Variants in SMYD3 observed in about 807,000 individuals in gnomAD.
SMYD3 encodes histone-lysine N-methyltransferase SMYD3.
In SMYD3, 36 loss-of-function variants were observed where a neutral mutation model predicts 57.7. The ratio of observed to expected loss-of-function variants is 0.62; its 90% CI spans 0.48 to 0.82. SMYD3 has a LOEUF of 0.82. Ranked by LOEUF, SMYD3 falls within the 40% of genes least tolerant of loss-of-function variation. The pLI is 0.00. For missense variants in SMYD3, 515 were observed against 538.8 expected (o/e 0.96, Z 0.44); for synonymous variants, 211 against 195.0 (o/e 1.08, Z -0.68).
intron 5 of SMYD3, among the ~76,000 whole-genome samples, chr1:246,074,120 C>G (rs1232965736): frequency 6.6e-6 from 1 of 152,076 alleles, no homozygotes; most frequent in Non-Finnish European, 1.5e-5. Context: ...TTATGTATGG[C>G]TCAAGACAAT....
chr1:246,382,504 C>T (rs1319784835), intron 1 of SMYD3, among the ~76,000 whole-genome samples: 4 of 152,074 alleles, frequency 2.6e-5, no homozygotes, highest in Non-Finnish European at 5.9e-5. Context: ...ACCCAGGCTC[C>T]AGACCAAGCC....
intron 5 of SMYD3, among the ~76,000 whole-genome samples, chr1:246,298,149 C>T (rs2064828646): frequency 6.6e-6 from 1 of 151,816 alleles, no homozygotes; most frequent in Non-Finnish European, 1.5e-5. Flanking sequence ...GACAGTGCCA[C>T]TTGTCAACAG....
At chr1:246,110,984 G>T (rs2147981452) in intron 5 of SMYD3, among the ~76,000 whole-genome samples, 1 of 152,138 alleles carries the variant, frequency 6.6e-6, no homozygotes, top group East Asian at 1.9e-4. Context: ...TCCTTTCATT[G>T]TCCATAAGAT....
At chr1:246,281,929 T>A (rs560327932) in intron 5 of SMYD3, among the ~76,000 whole-genome samples, 1 of 152,130 alleles carries the variant, frequency 6.6e-6, no homozygotes, top group East Asian at 1.9e-4. Flanking sequence ...GACACACTGG[T>A]GCTGGGCTAT....
intron 10 of SMYD3, among the ~76,000 whole-genome samples, chr1:245,824,855 TCAAAAAAAAAAAAA>T (rs2049386031): frequency 2.4e-5 from 1 of 41,166 alleles, no homozygotes; most frequent in Non-Finnish European, 7.4e-5. Context: ...AAACTCCGTC[TCAAAAAAAAAAAAA>T]CAAAAAAAAA....
At chr1:246,114,837 G>A (rs1299646201) in intron 5 of SMYD3, among the ~76,000 whole-genome samples, 1 of 152,142 alleles carries the variant, frequency 6.6e-6, no homozygotes, top group African/African-American at 2.4e-5. Flanking sequence ...TCACCATGTT[G>A]GCCAGGCTGG....
chr1:246,010,264 TCACAG>T (rs1258388594), intron 5 of SMYD3, among the ~76,000 whole-genome samples: 1 of 152,030 alleles, frequency 6.6e-6, no homozygotes, highest in Non-Finnish European at 1.5e-5. Context: ...AACAATTCAA[TCACAG>T]CAGGATAAAA....
chr1:246,208,801 T>C (rs1191042979), intron 5 of SMYD3, among the ~76,000 whole-genome samples: 1 of 152,124 alleles, frequency 6.6e-6, no homozygotes, highest in Non-Finnish European at 1.5e-5. Context: ...TTTGGGCTCA[T>C]GATCATTCAA....
At chr1:246,311,618 A>T (rs1329618942) in intron 5 of SMYD3, among the ~76,000 whole-genome samples, 4 of 140,118 alleles carry the variant, frequency 2.9e-5, no homozygotes, top group Admixed American at 1.4e-4. Context: ...TTGAACACTC[A>T]CACGCACACG....
intron 1 of SMYD3, among the ~76,000 whole-genome samples, chr1:246,421,646 T>G (rs1038233373): frequency 1.3e-5 from 2 of 151,996 alleles, no homozygotes; most frequent in African/African-American, 4.8e-5. Flanking sequence ...TCAGAGGTAT[T>G]TGAAAATAAT....
At chr1:245,999,162 C>CA (rs1318631474) in intron 5 of SMYD3, among the ~76,000 whole-genome samples, 12 of 150,828 alleles carry the variant, frequency 8.0e-5, no homozygotes, top group African/African-American at 2.0e-4. Flanking sequence ...ATTTTACCAC[C>CA]AAAAAAAACC....
chr1:246,145,064 G>A lies in SMYD3; in HGVS notation c.531+182137C>T, dbSNP rs539589557. 1.6e-4 allele frequency among the ~76,000 whole-genome samples: 25 copies of A among 152,264 alleles called. No homozygotes were observed. In the South Asian group the frequency reaches 4.6e-3, roughly 28 times the overall value. On this transcript the variant is annotated intron_variant, in intron 5 of 11. Coordinates refer to ENST00000490107, the MANE Select transcript of SMYD3 (RefSeq NM_001167740.2). Reference sequence around the variant, plus strand: ...AGGTCTCACTGTGTTGCTCAGGCTGGAGTACAGTGGCTATTCACACACTCA... The same window carrying A: ...AGGTCTCACTGTGTTGCTCAGGCTGAAGTACAGTGGCTATTCACACACTCA...
chr1:246,031,976 C>T (rs1429983474), intron 5 of SMYD3, among the ~76,000 whole-genome samples: 1 of 152,144 alleles, frequency 6.6e-6, no homozygotes, highest in Non-Finnish European at 1.5e-5. Context: ...ATTACAGAGA[C>T]TCTAAAGTTA....
chr1:245,937,214 G>A (rs1222761479), intron 5 of SMYD3, among the ~76,000 whole-genome samples: 1 of 152,064 alleles, frequency 6.6e-6, no homozygotes, highest in Non-Finnish European at 1.5e-5. Flanking sequence ...ACTTGTCAAG[G>A]CTAAAATCAA....
intron 5 of SMYD3, among the ~76,000 whole-genome samples, chr1:246,287,532 A>C (rs924192069): frequency 6.6e-6 from 1 of 152,206 alleles, no homozygotes; most frequent in African/African-American, 2.4e-5. Context: ...TTCACTTGCT[A>C]GGTGACCTTG....
chr1:245,826,210 C>T (rs1181449375), intron 10 of SMYD3, among the ~76,000 whole-genome samples: 4 of 151,762 alleles, frequency 2.6e-5, no homozygotes, highest in South Asian at 2.1e-4. Context: ...CCCATTTCTC[C>T]TCCCTCCAGT....
At chr1:245,818,828 C>A (rs1361620973) in intron 10 of SMYD3, among the ~76,000 whole-genome samples, 3 of 151,244 alleles carry the variant, frequency 2.0e-5, no homozygotes, top group Non-Finnish European at 4.4e-5. Context: ...GGGATGAATT[C>A]AACAAGAAGA....
At chr1:246,071,501 G>C (rs2060442972) in intron 5 of SMYD3, among the ~76,000 whole-genome samples, 1 of 152,152 alleles carries the variant, frequency 6.6e-6, no homozygotes, top group Admixed American at 6.5e-5. Context: ...CACAAGTAGT[G>C]ATTACTGAGT....
At chr1:246,134,143 T>TATGTAATACAGCATTATGTAATACAGCA (rs2061630428) in intron 5 of SMYD3, among the ~76,000 whole-genome samples, 2 of 152,162 alleles carry the variant, frequency 1.3e-5, no homozygotes, top group South Asian at 4.1e-4. Context: ...TCAGCTCACT[T>TATGTAATACAGCATTATGTAATACAGCA]TGTCACCTGC....
Sources: allele counts gnomAD v4.1 joint callset (sites outside exome capture counted in the v4.1 genomes callset), GRCh38; gene constraint gnomAD v4.1.1; transcripts MANE v1.5; gene names NCBI Gene and HGNC (gene_info 2026-07-23, HGNC 2026-07-21).